The following ETS1 variants were observed in gnomAD, a reference collection of about 807,000 sequenced individuals.
ETS1 encodes protein C-ets-1.
ETS1 carries 15 observed loss-of-function variants against 58.6 expected under a neutral mutation model. That is an observed-to-expected ratio of 0.26 (90% CI 0.17 to 0.39). The LOEUF is 0.39. Among genes scored for constraint, ETS1 ranks in the 10% least tolerant of loss-of-function variants. The probability of loss-of-function intolerance (pLI) is 1.00; values close to 1 mark genes in which losing one functional copy is unlikely to be tolerated. For missense variants in ETS1, 417 were observed against 610.5 expected (o/e 0.68, Z 3.34); for synonymous variants, 214 against 218.2 (o/e 0.98, Z 0.17).
At chr11:128,553,577 G>A (rs1426029751) in intron 3 of ETS1, among the ~76,000 whole-genome samples, 1 of 151,560 alleles carries the variant, frequency 6.6e-6, no homozygotes. Context: ...TTGTCCAATC[G>A]ATTCCCGACA....
chr11:128,480,780 G>A (rs1025576697), intron 7 of ETS1, among the ~76,000 whole-genome samples: 2 of 152,114 alleles, frequency 1.3e-5, no homozygotes, highest in Admixed American at 6.5e-5. Flanking sequence ...AAATCTAGAA[G>A]CTGAGGATCA....
chr11:128,499,276 G>A (rs1264015465), intron 3 of ETS1, among the ~76,000 whole-genome samples: 1 of 152,096 alleles, frequency 6.6e-6, no homozygotes, highest in Non-Finnish European at 1.5e-5. Flanking sequence ...CTGAGATCTT[G>A]CAGATGCTGA....
intron 3 of ETS1, among the ~76,000 whole-genome samples, chr11:128,498,685 T>C (rs917178506): frequency 2.0e-5 from 3 of 152,228 alleles, no homozygotes; most frequent in Admixed American, 6.5e-5. Context: ...TGCGTTTTAA[T>C]TGTCATTTAT....
At chr11:128,467,871 C>A (rs898776577) in intron 8 of ETS1, among the ~76,000 whole-genome samples, 2 of 151,996 alleles carry the variant, frequency 1.3e-5, no homozygotes, top group South Asian at 2.1e-4. Flanking sequence ...CAGAGCCATG[C>A]GGGCGGGAGA....
chr11:128,575,686 G>C (rs1350820778), intron 1 of ETS1, among the ~76,000 whole-genome samples: 1 of 152,166 alleles, frequency 6.6e-6, no homozygotes, highest in Non-Finnish European at 1.5e-5. Flanking sequence ...TAAGTAGTTG[G>C]CCAACAATAT....
chr11:128,540,481 C>A (rs188466129), intron 3 of ETS1, among the ~76,000 whole-genome samples: 2 of 151,346 alleles, frequency 1.3e-5, no homozygotes, highest in South Asian at 4.2e-4. Flanking sequence ...CTCAATAAAC[C>A]GTTTAAAAAA....
At chr11:128,501,619 AT>A (rs1644380425) in intron 3 of ETS1, among the ~76,000 whole-genome samples, 1 of 152,200 alleles carries the variant, frequency 6.6e-6, no homozygotes, top group South Asian at 2.1e-4. Flanking sequence ...TAAGCCCCTA[AT>A]AAAAATGTTG....
At chr11:128,489,593 T>C (rs1264295738) in intron 4 of ETS1, 103 bp from the exon 5 acceptor site, 1 of 862,722 alleles carries the variant, frequency 1.2e-6, no homozygotes, top group South Asian at 1.4e-5. Context: ...GAGAATGCTA[T>C]CTTTATTCAT....
intron 3 of ETS1, among the ~76,000 whole-genome samples, chr11:128,528,226 T>A (rs1189263604): frequency 6.6e-6 from 1 of 152,148 alleles, no homozygotes; most frequent in East Asian, 1.9e-4. Context: ...ATTAATTGTC[T>A]TGCATGGCCA....
chr11:128,523,521 T>A (rs1473977929), intron 3 of ETS1, among the ~76,000 whole-genome samples: 1 of 152,246 alleles, frequency 6.6e-6, no homozygotes, highest in Non-Finnish European at 1.5e-5. Flanking sequence ...TAAGCACATT[T>A]GAACTCCCAG....
chr11:128,519,967 T>G (rs534044487), intron 3 of ETS1, among the ~76,000 whole-genome samples: 2 of 152,358 alleles, frequency 1.3e-5, no homozygotes, highest in African/African-American at 4.8e-5. Flanking sequence ...CTCTTTACAA[T>G]GAATGGCAGA....
At chr11:128,485,150 T>G in intron 6 of ETS1, 79 bp from the exon 7 acceptor site, 90 of 1,231,026 alleles carry the variant, frequency 7.3e-5, no homozygotes, top group Middle Eastern at 2.4e-4. Flanking sequence ...TACAGGGCCC[T>G]ATGATGTGGG....
intron 1 of ETS1, among the ~76,000 whole-genome samples, chr11:128,578,636 C>T (rs751217080): frequency 2.6e-5 from 4 of 152,106 alleles, no homozygotes; most frequent in Non-Finnish European, 4.4e-5. Flanking sequence ...GTTCAATATT[C>T]TTCTGGGTAT....
chr11:128,573,369 A>G (rs540246297), intron 1 of ETS1, among the ~76,000 whole-genome samples: 1 of 152,326 alleles, frequency 6.6e-6, no homozygotes, highest in South Asian at 2.1e-4. Context: ...GTTGCAAGGT[A>G]ACATGGATAA....
chr11:128,516,712 C>T (rs1036782687), intron 3 of ETS1, among the ~76,000 whole-genome samples: 10 of 152,054 alleles, frequency 6.6e-5, no homozygotes, highest in African/African-American at 2.4e-4. Flanking sequence ...ATGGAATGGA[C>T]TTTTTTAAAA....
intron 3 of ETS1, among the ~76,000 whole-genome samples, chr11:128,545,439 C>A (rs951260457): frequency 6.6e-6 from 1 of 152,206 alleles, no homozygotes; most frequent in Non-Finnish European, 1.5e-5. Flanking sequence ...ACCTGCCTCC[C>A]AGAATTAGTT....
At chr11:128,542,811 C>A (rs576867622) in intron 3 of ETS1, among the ~76,000 whole-genome samples, 1 of 152,268 alleles carries the variant, frequency 6.6e-6, no homozygotes, top group East Asian at 1.9e-4. Context: ...ATGGAACACA[C>A]CCTCCATGTA....
At chr11:128,542,814 T>G (rs1864075664) in intron 3 of ETS1, among the ~76,000 whole-genome samples, 2 of 152,164 alleles carry the variant, frequency 1.3e-5, no homozygotes, top group South Asian at 4.1e-4. Flanking sequence ...GAACACACCC[T>G]CCATGTATTA....
chr11:128,555,516 T>C (rs1185087704), intron 3 of ETS1, among the ~76,000 whole-genome samples: 1 of 152,212 alleles, frequency 6.6e-6, no homozygotes, highest in Non-Finnish European at 1.5e-5. Flanking sequence ...GGTATTCAAA[T>C]ATGTTATCAT....
Sources: gnomAD v4.1 joint callset for allele counts (sites outside exome capture counted in the v4.1 genomes callset) on GRCh38, gnomAD v4.1.1 for gene constraint, MANE v1.5 for transcripts, NCBI Gene and HGNC (gene_info 2026-07-23, HGNC 2026-07-21) for gene names.